Variants in FBXL13 observed in about 807,000 individuals in gnomAD.
The protein encoded by FBXL13 is F-box and leucine-rich repeat protein 13.
In FBXL13, 67 loss-of-function variants were observed where a neutral mutation model predicts 83.6. The ratio of observed to expected loss-of-function variants is 0.80; its 90% CI spans 0.66 to 0.98. The LOEUF (loss-of-function observed/expected upper bound fraction) is 0.98. Ranked by LOEUF, FBXL13 falls within the 50% of genes least tolerant of loss-of-function variation. FBXL13 has a pLI of 0.00. For missense variants in FBXL13, 822 were observed against 866.5 expected, an observed-to-expected ratio of 0.95 and a Z score of 0.64; for synonymous variants, 272 against 299.5, an observed-to-expected ratio of 0.91 and a Z score of 0.95.
At chr7:102,880,490 GT>G (rs759188662) in intron 14 of FBXL13, among the ~76,000 whole-genome samples, 3 of 151,918 alleles carry the variant, frequency 2.0e-5, no homozygotes, top group East Asian at 1.9e-4. Flanking sequence ...TAAAAGTTAG[GT>G]TTTTTTCCCA....
At chr7:103,051,669 T>C (rs1796830138) in intron 2 of FBXL13, among the ~76,000 whole-genome samples, 1 of 152,262 alleles carries the variant, frequency 6.6e-6, no homozygotes, top group Non-Finnish European at 1.5e-5. Flanking sequence ...CGATGAACAA[T>C]TTGCAAGTCA....
At chr7:102,910,381 TC>T (rs1235322288) in intron 11 of FBXL13, among the ~76,000 whole-genome samples, 6 of 151,220 alleles carry the variant, frequency 4.0e-5, no homozygotes, top group African/African-American at 1.2e-4. Flanking sequence ...TTTTTCTTTT[TC>T]TTTCTTTTTT....
At chr7:103,022,621 A>G (rs1191154749) in intron 6 of FBXL13, among the ~76,000 whole-genome samples, 2 of 152,204 alleles carry the variant, frequency 1.3e-5, no homozygotes, top group Non-Finnish European at 2.9e-5. Flanking sequence ...GGCTAGCCAC[A>G]CGCGGAATAT....
chr7:102,995,478 CAAAAAAA>C (rs1158263069), intron 6 of FBXL13, among the ~76,000 whole-genome samples: 14 of 28,602 alleles, frequency 4.9e-4, no homozygotes, highest in Non-Finnish European at 7.7e-4. Context: ...GACTCCATCT[CAAAAAAA>C]AAAAAAAAAA....
chr7:102,971,516 G>A (rs556084449), intron 6 of FBXL13, among the ~76,000 whole-genome samples: 57 of 149,082 alleles, frequency 3.8e-4, no homozygotes, highest in African/African-American at 1.3e-3. Context: ...AGAATCGCTT[G>A]AACCCGGGCG....
chr7:103,070,633 G>A (rs1185314137), intron 1 of FBXL13, among the ~76,000 whole-genome samples: 6 of 151,948 alleles, frequency 3.9e-5, no homozygotes, highest in Admixed American at 2.0e-4. Context: ...TCTGCAGGGT[G>A]TACAAGAAGC....
intron 10 of FBXL13, among the ~76,000 whole-genome samples, chr7:102,924,447 G>A (rs1036358448): frequency 1.3e-5 from 2 of 151,958 alleles, no homozygotes; most frequent in Non-Finnish European, 2.9e-5. Context: ...CCTGGCAGGA[G>A]GAAGACTGTG....
At chr7:103,021,504 G>A (rs978200950) in intron 6 of FBXL13, among the ~76,000 whole-genome samples, 1 of 152,146 alleles carries the variant, frequency 6.6e-6, no homozygotes, top group African/African-American at 2.4e-5. Flanking sequence ...AAACTGAAGA[G>A]TTTCTGCACA....
intron 11 of FBXL13, among the ~76,000 whole-genome samples, chr7:102,907,868 C>T (rs903397206): frequency 5.0e-4 from 76 of 152,144 alleles, no homozygotes; most frequent in African/African-American, 1.7e-3. Flanking sequence ...AATGTGATAC[C>T]GTCTCACACC....
chr7:103,005,987 T>C (rs1042338879), intron 6 of FBXL13, among the ~76,000 whole-genome samples: 1 of 152,012 alleles, frequency 6.6e-6, no homozygotes. Flanking sequence ...CTTCCCAATA[T>C]AAAATATTAA....
chr7:102,991,762 A>C (rs1399262459), intron 6 of FBXL13, among the ~76,000 whole-genome samples: 2 of 152,222 alleles, frequency 1.3e-5, no homozygotes, highest in African/African-American at 4.8e-5. Context: ...GCTAAAATAA[A>C]TTAGGTTCCA....
At chr7:102,819,363 G>C (rs1412974631) in intron 19 of FBXL13, among the ~76,000 whole-genome samples, 1 of 152,084 alleles carries the variant, frequency 6.6e-6, no homozygotes, top group Non-Finnish European at 1.5e-5. Context: ...AAACCCTTCA[G>C]ACTCTGGGGT....
intron 2 of FBXL13, among the ~76,000 whole-genome samples, chr7:103,051,570 G>A (rs559887763): frequency 6.6e-6 from 1 of 152,212 alleles, no homozygotes; most frequent in Admixed American, 6.5e-5. Context: ...TCCTGGGGTC[G>A]CTAGAAGCTC....
At chr7:103,052,090 C>A (rs2129495306) in intron 2 of FBXL13, among the ~76,000 whole-genome samples, 1 of 152,306 alleles carries the variant, frequency 6.6e-6, no homozygotes, top group East Asian at 1.9e-4. Flanking sequence ...CTGAAAAACC[C>A]TGCAATTAGG....
chr7:102,843,016 T>C (rs1803238650), intron 17 of FBXL13, among the ~76,000 whole-genome samples: 2 of 152,212 alleles, frequency 1.3e-5, no homozygotes, highest in Non-Finnish European at 2.9e-5. Flanking sequence ...GAATCCCTCC[T>C]CCTCTACCTC....
intron 2 of FBXL13, among the ~76,000 whole-genome samples, chr7:103,029,666 T>C (rs1462529489): frequency 6.6e-6 from 1 of 152,078 alleles, no homozygotes; most frequent in Admixed American, 6.6e-5. Context: ...TCTCACTTAG[T>C]TTGAAGAGTT....
intron 1 of FBXL13, 92 bp from the exon 2 acceptor site, chr7:103,055,839 G>T (rs1004416456): frequency 3.3e-5 from 17 of 519,322 alleles, no homozygotes; most frequent in African/African-American, 2.7e-4. Context: ...ATTTGTTTTG[G>T]GTTTTTTTGG....
At chr7:103,052,611 C>A (rs923210260) in intron 2 of FBXL13, among the ~76,000 whole-genome samples, 2 of 152,164 alleles carry the variant, frequency 1.3e-5, no homozygotes, top group Non-Finnish European at 2.9e-5. Flanking sequence ...AGTCATATCT[C>A]ATTTTTATTA....
chr7:103,017,815 A>C (rs1173110000), intron 6 of FBXL13, among the ~76,000 whole-genome samples: 1 of 152,234 alleles, frequency 6.6e-6, no homozygotes, highest in Non-Finnish European at 1.5e-5. Flanking sequence ...TCCAAGAAAT[A>C]TGGGATTATG....
Sources: gnomAD v4.1 joint callset for allele counts (sites outside exome capture counted in the v4.1 genomes callset) on GRCh38, gnomAD v4.1.1 for gene constraint, MANE v1.5 for transcripts, NCBI Gene and HGNC (gene_info 2026-07-23, HGNC 2026-07-21) for gene names.